Variants in UNC79 observed in about 807,000 individuals in gnomAD.
The protein encoded by UNC79 is protein unc-79 homolog.
Under a neutral mutation model 283.1 loss-of-function variants are expected in UNC79, and 37 were observed. The ratio of observed to expected loss-of-function variants is 0.13; its 90% CI spans 0.10 to 0.17. The LOEUF (loss-of-function observed/expected upper bound fraction) is 0.17, where lower values mean the gene tolerates loss of function less well. Among genes scored for constraint, UNC79 ranks in the 10% least tolerant of loss-of-function variants. UNC79 has a pLI of 1.00. For missense variants in UNC79, 2,272 were observed against 3,211.1 expected (o/e 0.71, Z 7.07); for synonymous variants, 1,107 against 1,200.2 (o/e 0.92, Z 1.61).
chr14:93,641,222 G>A, exon 33 of UNC79: 1 of 1,613,308 alleles, frequency 6.2e-7, no homozygotes, highest in East Asian at 2.2e-5. Context: ...GTTCACTGAC[G>A]AGCAGCCGAC....
chr14:93,627,985 A>T (rs1342429222), intron 30 of UNC79, among the ~76,000 whole-genome samples: 5 of 152,116 alleles, frequency 3.3e-5, no homozygotes, highest in Non-Finnish European at 7.4e-5. Flanking sequence ...GAGCCTCCTG[A>T]CTTTAGAAAA....
chr14:93,472,179 GACTTATAGCC>G (rs2140307306), intron 2 of UNC79, among the ~76,000 whole-genome samples: 1 of 152,216 alleles, frequency 6.6e-6, no homozygotes, highest in East Asian at 1.9e-4. Context: ...TAATATCTCT[GACTTATAGCC>G]ATTGTGATTC....
chr14:93,568,495 G>A (rs112680488), intron 14 of UNC79, among the ~76,000 whole-genome samples: 5,627 of 152,136 alleles, frequency 0.037, 146 homozygotes, highest in Non-Finnish European at 0.058. Context: ...CCAATGTGGT[G>A]AAACCCCATC....
exon 27 of UNC79, chr14:93,612,888 A>G (rs2066411972): frequency 2.5e-6 from 4 of 1,614,020 alleles, no homozygotes; most frequent in Non-Finnish European, 3.4e-6. Flanking sequence ...AGCTGATTAC[A>G]GTGCTCATGA....
intron 1 of UNC79, among the ~76,000 whole-genome samples, chr14:93,337,252 G>C (rs962356509): frequency 6.6e-6 from 1 of 152,242 alleles, no homozygotes; most frequent in Non-Finnish European, 1.5e-5. Flanking sequence ...CAGACTCATA[G>C]AGTCTACGCA....
At chr14:93,622,021 G>A (rs1378393237) in exon 30 of UNC79, 2 of 1,613,812 alleles carry the variant, frequency 1.2e-6, no homozygotes, top group East Asian at 2.2e-5. Context: ...TTGACTCGCC[G>A]GTAAAGCCTG....
At chr14:93,635,141 A>G (rs1478305137) in intron 31 of UNC79, among the ~76,000 whole-genome samples, 1 of 152,206 alleles carries the variant, frequency 6.6e-6, no homozygotes, top group Non-Finnish European at 1.5e-5. Flanking sequence ...CCCCATGCTC[A>G]TAAGATGGAA....
chr14:93,600,650 C>A (rs372981771), exon 25 of UNC79: 1 of 1,613,824 alleles, frequency 6.2e-7, no homozygotes, highest in South Asian at 1.1e-5. Context: ...TTTACTCTTG[C>A]ACTTTCTTAA....
intron 1 of UNC79, among the ~76,000 whole-genome samples, chr14:93,410,124 C>T (rs2055305217): frequency 1.3e-5 from 2 of 152,224 alleles, no homozygotes; most frequent in African/African-American, 4.8e-5. Context: ...GGCTATGTGG[C>T]AGGGAGAGAG....
At chr14:93,592,782 T>C (rs929216797) in intron 22 of UNC79, among the ~76,000 whole-genome samples, 21 of 152,348 alleles carry the variant, frequency 1.4e-4, no homozygotes, top group African/African-American at 4.6e-4. Context: ...ATATATTATA[T>C]TCAGAATTAT....
chr14:93,389,320 A>T (rs780864396), intron 1 of UNC79, among the ~76,000 whole-genome samples: 2 of 152,190 alleles, frequency 1.3e-5, no homozygotes, highest in Non-Finnish European at 2.9e-5. Context: ...ATGGTTTTTC[A>T]TCTCATGATT....
chr14:93,357,708 T>TGG (rs2054119280), intron 1 of UNC79, among the ~76,000 whole-genome samples: 1 of 128,982 alleles, frequency 7.8e-6, no homozygotes, highest in Non-Finnish European at 1.6e-5. Context: ...TATATATATA[T>TGG]ATATATATAT....
intron 7 of UNC79, among the ~76,000 whole-genome samples, chr14:93,512,625 T>G (rs2059880021): frequency 6.6e-6 from 1 of 152,166 alleles, no homozygotes; most frequent in Non-Finnish European, 1.5e-5. Flanking sequence ...CACTGATCCT[T>G]TCTTCTGCTG....
intron 1 of UNC79, among the ~76,000 whole-genome samples, chr14:93,417,479 TA>T (rs2055488729): frequency 1.3e-5 from 2 of 152,160 alleles, no homozygotes; most frequent in African/African-American, 4.8e-5. Context: ...TCAACTTTGG[TA>T]AATCTGACAA....
intron 25 of UNC79, among the ~76,000 whole-genome samples, 173 bp from the exon 26 acceptor site, chr14:93,603,066 C>T (rs1022250126): frequency 2.0e-5 from 3 of 152,142 alleles, no homozygotes; most frequent in African/African-American, 7.2e-5. Flanking sequence ...GAAAAAAAAT[C>T]ATGATAGGCA....
At position 93,371,108 on chromosome 14, in the gene UNC79, C is replaced by T. The variant is rs568097524; in HGVS notation, c.-351+37585C>T. ...AACAACAACAAAACAGGGGTGGGTG[C>T]GGGGTGGCTCACCCCTGTACCCTGT... On this transcript the variant is annotated intron_variant, in intron 1 of 49. Coordinates refer to the UNC79 transcript ENST00000256339. Among the ~76,000 whole-genome samples, 571 of 152,160 alleles carry T rather than the reference C, an allele frequency of 3.8e-3. 5 individuals carry two copies. Among genetic ancestry groups the T allele is most frequent in the African/African-American group, 0.013 (546 of 41,544 alleles).
rs143259547 is a variant in UNC79 at position 93,575,065 on chromosome 14, C to T, written c.2078C>T (p.Ser693Leu). The change falls in exon 17 of 49, where the codon TCG (serine) becomes TTG (leucine). Residue 693 changes from serine to leucine, a missense_variant. Transcript: ENST00000555664. ...TATGCCTTTTTTCCCTAGGTATTATCGGAGTTAGATATCATGGTTCCACTT... is the reference window on the plus strand; with the variant it reads ...TATGCCTTTTTTCCCTAGGTATTATTGGAGTTAGATATCATGGTTCCACTT... 330 of 1,606,614 alleles carry T rather than the reference C, an allele frequency of 2.1e-4. No homozygotes were observed. Among genetic ancestry groups the T allele is most frequent in the Non-Finnish European group, 1.7e-4 (204 of 1,177,268 alleles).
At chr14:93,461,721 C>G (rs1194351272) in intron 1 of UNC79, among the ~76,000 whole-genome samples, 1 of 152,060 alleles carries the variant, frequency 6.6e-6, no homozygotes, top group Non-Finnish European at 1.5e-5. Context: ...CAACGGTCAC[C>G]TAAATAAATA....
chr14:93,684,964 ACCTAAGGTTATT>A (rs1225534316), intron 42 of UNC79, among the ~76,000 whole-genome samples: 3 of 152,198 alleles, frequency 2.0e-5, no homozygotes, highest in Non-Finnish European at 4.4e-5. Context: ...TAAGTAACAC[ACCTAAGGTTATT>A]CTTAAGCTTT....
Sources: allele counts gnomAD v4.1 joint callset (sites outside exome capture counted in the v4.1 genomes callset), GRCh38; gene constraint gnomAD v4.1.1; transcripts MANE v1.5; gene names NCBI Gene and HGNC (gene_info 2026-07-23, HGNC 2026-07-21).